TECPR2: variants seen among roughly 807,000 people sequenced by gnomAD.
TECPR2 encodes tectonin beta-propeller repeat containing 2.
A neutral mutation model predicts 138.1 loss-of-function variants in TECPR2; 65 were observed. The observed-to-expected ratio is 0.47, with a 90% confidence interval of 0.39 to 0.58. The LOEUF (loss-of-function observed/expected upper bound fraction) is 0.58. Among genes scored for constraint, TECPR2 ranks in the 20% least tolerant of loss-of-function variants. TECPR2 has a pLI of 0.00. For missense variants in TECPR2, 1,553 were observed against 1,824.5 expected, an observed-to-expected ratio of 0.85 and a Z score of 2.71; for synonymous variants, 746 against 749.8, an observed-to-expected ratio of 0.99 and a Z score of 0.08.
At chr14:102,453,891 A>G (rs965524626) in intron 16 of TECPR2, among the ~76,000 whole-genome samples, 3 of 151,922 alleles carry the variant, frequency 2.0e-5, no homozygotes, top group Non-Finnish European at 4.4e-5. Flanking sequence ...GCTAATGCCT[A>G]TAATCCCAGC....
chr14:102,370,814 C>T (rs1012921115), intron 1 of TECPR2, among the ~76,000 whole-genome samples: 2 of 151,994 alleles, frequency 1.3e-5, no homozygotes, highest in African/African-American at 2.4e-5. Flanking sequence ...AATGGTGGCC[C>T]GAGCTAGGGG....
intron 7 of TECPR2, among the ~76,000 whole-genome samples, chr14:102,431,421 C>A (rs374975414): frequency 6.7e-6 from 1 of 148,334 alleles, no homozygotes; most frequent in Non-Finnish European, 1.5e-5. Flanking sequence ...CGGCTCACTG[C>A]AAGCTTTGCC....
intron 17 of TECPR2, among the ~76,000 whole-genome samples, chr14:102,480,218 T>TA (rs1320882327): frequency 1.3e-5 from 1 of 74,748 alleles, no homozygotes; most frequent in Non-Finnish European, 2.5e-5. Flanking sequence ...TTGGTTTTTT[T>TA]TTTTTTTTTT....
chr14:102,496,994 T>C lies in TECPR2; in HGVS notation c.3805T>C (p.Leu1269=). 6.2e-7 allele frequency: 1 copy of C among 1,614,010 alleles called. No individual in the cohort carries two copies. Among genetic ancestry groups the C allele is most frequent in the African/African-American group, 1.3e-5 (1 of 75,046 alleles). The change falls in exon 18 of 20, where the codon TTG becomes CTG. Residue 1269 remains leucine (L), a synonymous_variant. Coordinates refer to ENST00000359520, the MANE Select transcript of TECPR2 (RefSeq NM_014844.5). ...EPPVQPAGVS[L]VSVHSSPNDQ... ...CCGCTTCCAGCCCGCCGGGGTCAGC[T>C]TGGTCAGCGTCCATTCCAGCCCCAA...
intron 5 of TECPR2, among the ~76,000 whole-genome samples, chr14:102,421,687 A>G (rs1889188037): frequency 6.6e-6 from 1 of 152,194 alleles, no homozygotes; most frequent in Non-Finnish European, 1.5e-5. Flanking sequence ...ACAATTGAGC[A>G]CTTATGGGGA....
chr14:102,466,024 G>A (rs1218602869), intron 17 of TECPR2, among the ~76,000 whole-genome samples: 1 of 152,190 alleles, frequency 6.6e-6, no homozygotes, highest in East Asian at 1.9e-4. Context: ...TGTGGAGGCA[G>A]CAGTGGGGCA....
At position 102,438,177 on chromosome 14, in the gene TECPR2, T is replaced by G. The variant is rs1251417019; in HGVS notation, c.2550T>G (p.Ala850=). Residue 850 remains alanine (A), a synonymous_variant, in exon 10 of 20, where the codon GCT becomes GCG. Transcript: ENST00000359520. ...AGLRWQKFED[A]VQQVAVSPSG... ...TGCGCTGGCAGAAGTTTGAAGATGCTGTCCAGCAGGTGGCAGTCTCGCCCT... is the reference window on the plus strand; with the variant it reads ...TGCGCTGGCAGAAGTTTGAAGATGCGGTCCAGCAGGTGGCAGTCTCGCCCT... The G allele has an allele frequency of 6.2e-7, 1 of 1,611,136 alleles. No homozygotes were observed. The highest frequency in any genetic ancestry group is 1.7e-5 in the Admixed American group (1 of 59,978).
chr14:102,414,252 A>C (rs971932109), intron 4 of TECPR2, among the ~76,000 whole-genome samples: 1 of 152,202 alleles, frequency 6.6e-6, no homozygotes, highest in Non-Finnish European at 1.5e-5. Flanking sequence ...CAATACACAC[A>C]GTGCAACAGA....
At chr14:102,479,376 C>T (rs562799849) in intron 17 of TECPR2, among the ~76,000 whole-genome samples, 1 of 152,224 alleles carries the variant, frequency 6.6e-6, no homozygotes, top group South Asian at 2.1e-4. Context: ...CAGTGAACCT[C>T]TGGGAGTGAA....
At chr14:102,430,325 G>T (rs957225647) in intron 7 of TECPR2, among the ~76,000 whole-genome samples, 1 of 152,182 alleles carries the variant, frequency 6.6e-6, no homozygotes, top group African/African-American at 2.4e-5. Flanking sequence ...ACAAGTAGCT[G>T]GTGGCTGCCT....
chr14:102,488,624 A>G (rs974729888), intron 17 of TECPR2, among the ~76,000 whole-genome samples: 2 of 152,070 alleles, frequency 1.3e-5, no homozygotes, highest in African/African-American at 4.8e-5. Context: ...GATTACAGGC[A>G]TGAGCCACTG....
At position 102,497,021 on chromosome 14, in the gene TECPR2, G is replaced by T; in HGVS notation, c.3832G>T (p.Asp1278Tyr). The T allele has an allele frequency of 6.2e-7, 1 of 1,613,984 alleles. No individual in the cohort carries two copies. The part of the protein sequence containing the change: ...SLVSVHSSPN[D>Y]QMLWVLDSRW... ...GGTCAGCGTCCATTCCAGCCCCAACGACCAGATGCTGTGGGTGCTTGACAG... is the reference window on the plus strand; with the variant it reads ...GGTCAGCGTCCATTCCAGCCCCAACTACCAGATGCTGTGGGTGCTTGACAG... Residue 1278 changes from aspartate (D) to tyrosine (Y), a missense_variant, in exon 18 of 20, where the codon GAC (aspartate) becomes TAC (tyrosine). Asp to Tyr is a radical substitution (Grantham distance 160, BLOSUM62 -3). Transcript: ENST00000359520.
chr14:102,417,376 G>GA lies in TECPR2; in HGVS notation c.638+2584dup, dbSNP rs761376944. On this transcript the variant is annotated intron_variant, in intron 5 of 19. Transcript: ENST00000359520. ...ACGTGGAGGCGTGACAGCAAGTACGGAGGCATCCAAGGAGACAAGGCCTCT... is the reference window on the plus strand; with the variant it reads ...ACGTGGAGGCGTGACAGCAAGTACGGAAGGCATCCAAGGAGACAAGGCCTCT... Among the ~76,000 whole-genome samples, 177 of 152,346 alleles carry GA rather than the reference G, an allele frequency of 1.2e-3. 1 individual carries two copies. Among genetic ancestry groups the GA allele is most frequent in the Middle Eastern group, 3.4e-3 (1 of 294 alleles).
intron 17 of TECPR2, among the ~76,000 whole-genome samples, chr14:102,492,951 G>T (rs1567364203): frequency 1.3e-5 from 2 of 152,224 alleles, no homozygotes; most frequent in Admixed American, 1.3e-4. Context: ...CAGAGACGTT[G>T]CGAGGTGATG....
intron 17 of TECPR2, among the ~76,000 whole-genome samples, chr14:102,495,627 G>T (rs1055777083): frequency 3.9e-5 from 6 of 152,230 alleles, no homozygotes; most frequent in African/African-American, 1.4e-4. Flanking sequence ...AGAGGACCTA[G>T]CAGCAGCAAA....
chr14:102,489,627 C>T (rs1444215527), intron 17 of TECPR2, among the ~76,000 whole-genome samples: 1 of 149,902 alleles, frequency 6.7e-6, no homozygotes, highest in Non-Finnish European at 1.5e-5. Context: ...ATCACTTGAA[C>T]ATGAGAGGCA....
chr14:102,492,509 T>C (rs988345387), intron 17 of TECPR2, among the ~76,000 whole-genome samples: 6 of 152,220 alleles, frequency 3.9e-5, no homozygotes, highest in African/African-American at 1.4e-4. Context: ...TAATACAAAA[T>C]AGAGTTTCTT....
At chr14:102,472,755 G>A (rs1228825827) in intron 17 of TECPR2, among the ~76,000 whole-genome samples, 1 of 152,152 alleles carries the variant, frequency 6.6e-6, no homozygotes, top group African/African-American at 2.4e-5. Flanking sequence ...CCTACTTTAC[G>A]AGGAAATCTG....
At chr14:102,414,493 A>C in intron 4 of TECPR2, 143 bp from the exon 5 acceptor site, 1 of 969,268 alleles carries the variant, frequency 1.0e-6, no homozygotes, top group Non-Finnish European at 1.5e-6. Flanking sequence ...TTGAGAGTGA[A>C]TCTGCAGAGA....
Sources: allele counts gnomAD v4.1 joint callset (sites outside exome capture counted in the v4.1 genomes callset), GRCh38; gene constraint gnomAD v4.1.1; transcripts MANE v1.5; gene names NCBI Gene and HGNC (gene_info 2026-07-23, HGNC 2026-07-21).